Variants in TENM3 observed in about 807,000 individuals in gnomAD.
TENM3 encodes the protein teneurin-3.
A neutral mutation model predicts 255.1 loss-of-function variants in TENM3; 63 were observed. The ratio of observed to expected loss-of-function variants is 0.25; its 90% CI spans 0.20 to 0.30. The LOEUF is 0.30. Among genes scored for constraint, TENM3 ranks in the 10% least tolerant of loss-of-function variants. The pLI, the probability that TENM3 is intolerant of heterozygous loss-of-function variation, is 1.00. For missense variants in TENM3, 2,929 were observed against 3,461.1 expected (o/e 0.85, Z 3.86); for synonymous variants, 1,306 against 1,322.3 (o/e 0.99, Z 0.27).
chr4:182,245,942 C>T (rs778887285), intron 1 of TENM3, among the ~76,000 whole-genome samples: 11 of 152,188 alleles, frequency 7.2e-5, no homozygotes, highest in Non-Finnish European at 1.5e-4. Flanking sequence ...ACCGATGTAA[C>T]ATTTTATTGG....
chr4:182,729,179 G>C lies in TENM3; in HGVS notation c.2583G>C (p.Lys861Asn). The C allele has an allele frequency of 1.2e-6, 2 of 1,610,472 alleles. No individual in the cohort carries two copies. Among genetic ancestry groups the C allele is most frequent in the Non-Finnish European group, 8.5e-7 (1 of 1,176,690 alleles). The change falls in exon 14 of 28, where the codon AAG becomes AAC. Residue 861 changes from lysine to asparagine, a missense_variant and splice_region_variant. This residue lies in a region of TENM3 where 1,608 missense variants were observed against 1,884.4 expected (regional missense o/e 0.85). Transcript: ENST00000511685. ...TACCTGGAGAAAGTCCTTTCAATAA[G>C]AGGTTAATGCTTCTTTTCCATATGT... ...HVIPGESPFN[K>N]SLASVIRGQV...
intron 1 of TENM3, among the ~76,000 whole-genome samples, chr4:182,308,219 T>G (rs1762244508): frequency 1.3e-5 from 2 of 152,218 alleles, no homozygotes; most frequent in South Asian, 2.1e-4. Flanking sequence ...CAGGCTGGAT[T>G]GAGCCCCCCA....
chr4:181,950,727 A>T, the TENM3 span, among the ~76,000 whole-genome samples: 1 of 152,162 alleles, frequency 6.6e-6, no homozygotes, highest in African/African-American at 2.4e-5. Flanking sequence ...AAAATTCTCC[A>T]AACTACATTA....
chr4:182,191,582 A>C (rs2149789089), intron 1 of TENM3, among the ~76,000 whole-genome samples: 1 of 152,194 alleles, frequency 6.6e-6, no homozygotes, highest in East Asian at 1.9e-4. Context: ...TGATTCTTTT[A>C]GGATGGTTAG....
chr4:182,794,644 G>A (rs1766359179), intron 26 of TENM3, among the ~76,000 whole-genome samples: 1 of 152,230 alleles, frequency 6.6e-6, no homozygotes. Context: ...TTCCACGAAT[G>A]TGGGATAATT....
At chr4:182,174,498 T>C (rs1249238487) in intron 1 of TENM3, among the ~76,000 whole-genome samples, 1 of 88,932 alleles carries the variant, frequency 1.1e-5, no homozygotes, top group Non-Finnish European at 2.5e-5. Context: ...CCTTAGCTAC[T>C]AATTCACACA....
At chr4:182,331,883 G>A (rs1763782702) in intron 2 of TENM3, among the ~76,000 whole-genome samples, 1 of 152,068 alleles carries the variant, frequency 6.6e-6, no homozygotes, top group Admixed American at 6.5e-5. Flanking sequence ...AAAAAAGAAA[G>A]ATTGTTAAAA....
At chr4:182,167,668 T>C (rs1751810226) in intron 1 of TENM3, among the ~76,000 whole-genome samples, 1 of 152,048 alleles carries the variant, frequency 6.6e-6, no homozygotes, top group African/African-American at 2.4e-5. Flanking sequence ...AGCCCAGAAA[T>C]TTGAGACCAG....
the TENM3 span, among the ~76,000 whole-genome samples, chr4:181,985,213 A>G: frequency 1.3e-5 from 2 of 151,954 alleles, no homozygotes; most frequent in African/African-American, 4.8e-5. Flanking sequence ...ATACTCATAA[A>G]AGAAAAAAAA....
chr4:181,729,363 A>G, the TENM3 span, among the ~76,000 whole-genome samples: 1 of 152,176 alleles, frequency 6.6e-6, no homozygotes, highest in Admixed American at 6.6e-5. Flanking sequence ...CTGTGGAAGC[A>G]AATGCCATGA....
At chr4:182,417,125 C>A (rs560739533) in intron 3 of TENM3, among the ~76,000 whole-genome samples, 170 of 152,162 alleles carry the variant, frequency 1.1e-3, no homozygotes, top group Non-Finnish European at 2.1e-3. Flanking sequence ...AGGCGCCTGC[C>A]ACCACGCCCA....
chr4:182,752,047 C>T lies in TENM3; in HGVS notation c.3862+15C>T, dbSNP rs376443071. The stretch of plus-strand genomic sequence containing the variant: ...GAGTCCCAAAGGTACCGGCAGTTGG[C>T]GATTTGAGGATTTCTTTTTATTTAT... On this transcript the variant is annotated intron_variant, in intron 20 of 27. Transcript: ENST00000511685. The T allele has an allele frequency of 1.2e-5, 16 of 1,297,774 alleles. No individual in the cohort carries two copies. In the East Asian group the frequency reaches 2.0e-4, roughly 16 times the overall value. 80.4% of individuals were successfully genotyped at this position (1,297,774 alleles called of 1,614,324 possible). A position where few individuals can be genotyped will look rare whatever the true frequency, so the allele number is the denominator to read the frequency against.
chr4:181,799,368 A>G, the TENM3 span, among the ~76,000 whole-genome samples: 1 of 152,246 alleles, frequency 6.6e-6, no homozygotes, highest in Non-Finnish European at 1.5e-5. Flanking sequence ...GCATTCAGGA[A>G]ACAGCTATTG....
At chr4:181,789,257 A>AT in the TENM3 span, among the ~76,000 whole-genome samples, 12 of 108,258 alleles carry the variant, frequency 1.1e-4, no homozygotes, top group South Asian at 2.7e-4. Context: ...ATTTTATTTT[A>AT]TTTATTTTAT....
chr4:181,658,017 G>T, the TENM3 span, among the ~76,000 whole-genome samples: 1 of 152,066 alleles, frequency 6.6e-6, no homozygotes, highest in Non-Finnish European at 1.5e-5. Flanking sequence ...AGAGACAAAG[G>T]CTAAAAAACT....
chr4:181,630,988 A>G, the TENM3 span, among the ~76,000 whole-genome samples: 3 of 152,334 alleles, frequency 2.0e-5, no homozygotes, highest in Non-Finnish European at 2.9e-5. Flanking sequence ...CTCAGGGCAG[A>G]TTCCTGAGCA....
chr4:181,572,393 T>C, the TENM3 span, among the ~76,000 whole-genome samples: 39 of 152,172 alleles, frequency 2.6e-4, no homozygotes, highest in Admixed American at 7.2e-4. Context: ...TAAAACATAA[T>C]AAACTAAAGT....
At chr4:181,673,641 C>A in the TENM3 span, among the ~76,000 whole-genome samples, 13,962 of 152,148 alleles carry the variant, frequency 0.092, 728 homozygotes, top group Middle Eastern at 0.17. Flanking sequence ...TGTTTGAAAG[C>A]AGCTTACCAC....
the TENM3 span, among the ~76,000 whole-genome samples, chr4:181,653,448 C>T: frequency 2.0e-5 from 3 of 152,096 alleles, no homozygotes; most frequent in Admixed American, 6.6e-5. Context: ...CTCACTCTGT[C>T]GCCCAGGCCG....
Sources: allele counts gnomAD v4.1 joint callset (sites outside exome capture counted in the v4.1 genomes callset), GRCh38; gene constraint gnomAD v4.1.1; regional missense constraint gnomAD v4.1.1; transcripts MANE v1.5; gene names NCBI Gene and HGNC (gene_info 2026-07-23, HGNC 2026-07-21).